WDR59: variants seen among roughly 807,000 people sequenced by gnomAD.
The protein encoded by WDR59 is WD repeat domain 59.
A neutral mutation model predicts 131.2 loss-of-function variants in WDR59; 100 were observed. That is an observed-to-expected ratio of 0.76 (90% CI 0.65 to 0.90). The LOEUF (loss-of-function observed/expected upper bound fraction) is 0.90. WDR59 is among the 40% of genes least tolerant of loss of function. The pLI is 0.00. For synonymous variants in WDR59, 601 were observed against 466.2 expected (o/e 1.29, Z -3.72); for missense variants, 1,203 against 1,262.2 (o/e 0.95, Z 0.71).
At chr16:74,981,641 T>TATATATAC (rs2034421016) in intron 1 of WDR59, among the ~76,000 whole-genome samples, 3 of 50,222 alleles carry the variant, frequency 6.0e-5, no homozygotes, top group African/African-American at 4.1e-4. Context: ...TATATATATA[T>TATATATAC]ATATATATAT....
chr16:74,886,374 C>T lies in WDR59; in HGVS notation c.2442G>A (p.Leu814=). 1 of 1,613,564 alleles carries T rather than the reference C, an allele frequency of 6.2e-7. No individual in the cohort carries two copies. The highest frequency in any genetic ancestry group is 8.5e-7 in the Non-Finnish European group (1 of 1,179,896). ...GTGAGGATTCTCCCCAAGGGGAGGACAAGTGCTCTGCCTCTCTTCCCGCTG... is the reference window on the plus strand; with the variant it reads ...GTGAGGATTCTCCCCAAGGGGAGGATAAGTGCTCTGCCTCTCTTCCCGCTG... ...WNIAGREAEH[L]SSPWGESSPE... The change falls in exon 24 of 26, where the codon TTG becomes TTA. Residue 814 remains leucine, a synonymous_variant. Transcript: ENST00000262144.
chr16:74,893,846 A>C (rs752878174), intron 18 of WDR59, 34 bp from the exon 19 acceptor site: 2 of 1,607,292 alleles, frequency 1.2e-6, no homozygotes, highest in African/African-American at 2.7e-5. Flanking sequence ...ACTAATGGGG[A>C]CTTTGACAAG....
In WDR59 at chr16:74,978,844, G is replaced by C. The variant is rs945629913; in HGVS notation, c.54+6120C>G. Among the ~76,000 whole-genome samples, 35 of 152,130 alleles carry C rather than the reference G, an allele frequency of 2.3e-4. 1 individual carries two copies. The highest frequency in any genetic ancestry group is 1.5e-5 in the Non-Finnish European group (1 of 68,034). On this transcript the variant is annotated intron_variant, in intron 1 of 25. Coordinates refer to ENST00000262144, the MANE Select transcript of WDR59 (RefSeq NM_030581.4). Reference sequence around the variant, plus strand: ...GAGTTGTCTCCAAGTATGTTCAGCTGCTTTGGACATACAGAGCTTGATTTT... The same window carrying C: ...GAGTTGTCTCCAAGTATGTTCAGCTCCTTTGGACATACAGAGCTTGATTTT...
Position 74,889,691 on chromosome 16 carries a change from C to G in WDR59, c.2195+12G>C. 6.2e-7 allele frequency: 1 copy of G among 1,608,006 alleles called. No individual in the cohort carries two copies. The highest frequency in any genetic ancestry group is 8.5e-7 in the Non-Finnish European group (1 of 1,177,696). On this transcript the variant is annotated intron_variant, in intron 21 of 25. Coordinates refer to ENST00000262144, the MANE Select transcript of WDR59 (RefSeq NM_030581.4). Reference sequence around the variant, plus strand: ...TCACTCATTTTTCTCATTTTTAGCTCTCAAAACCTACAGGGACTCCAGCAG... The same window carrying G: ...TCACTCATTTTTCTCATTTTTAGCTGTCAAAACCTACAGGGACTCCAGCAG...
chr16:74,899,574 C>A (rs957868431), intron 18 of WDR59: 1 of 722,898 alleles, frequency 1.4e-6, no homozygotes, highest in Non-Finnish European at 2.0e-6. Context: ...TTGACTGTTG[C>A]TGGTCCTGAA....
chr16:74,964,563 T>C (rs952388048), intron 2 of WDR59, among the ~76,000 whole-genome samples: 3 of 152,214 alleles, frequency 2.0e-5, no homozygotes, highest in Non-Finnish European at 4.4e-5. Flanking sequence ...TTTACCATGT[T>C]GTATACTTTT....
intron 8 of WDR59, among the ~76,000 whole-genome samples, chr16:74,927,664 G>C (rs982570128): frequency 1.1e-4 from 15 of 131,916 alleles, no homozygotes; most frequent in Admixed American, 7.6e-4. Flanking sequence ...TGATGTTTTA[G>C]ATTTGCTGCT....
At chr16:74,973,998 C>T (rs1321272104) in intron 1 of WDR59, among the ~76,000 whole-genome samples, 4 of 152,138 alleles carry the variant, frequency 2.6e-5, no homozygotes, top group South Asian at 2.1e-4. Flanking sequence ...GGTGAAACCT[C>T]GTCTCTACTA....
intron 18 of WDR59, among the ~76,000 whole-genome samples, chr16:74,902,542 G>A (rs1333490223): frequency 6.6e-6 from 1 of 152,108 alleles, no homozygotes; most frequent in Non-Finnish European, 1.5e-5. Flanking sequence ...CCCCCACAAA[G>A]TGAAAATTAC....
intron 1 of WDR59, among the ~76,000 whole-genome samples, chr16:74,971,978 G>C (rs1048042611): frequency 6.6e-6 from 1 of 152,166 alleles, no homozygotes; most frequent in African/African-American, 2.4e-5. Flanking sequence ...CAAGGGGCTA[G>C]GGTTATGGGC....
At position 74,887,837 on chromosome 16, in the gene WDR59, G is replaced by C. The variant is rs571031238; in HGVS notation, c.2347-82C>G. ...ACAGTTCACATTAAGAAAACAGCAG[G>C]CCAAGCACGGTGGCTCATGCCTGTA... is the stretch of plus-strand genomic sequence containing the variant. On this transcript the variant is annotated intron_variant, in intron 22 of 25. Transcript: ENST00000262144. 3.5e-5 allele frequency: 49 copies of C among 1,382,800 alleles called. No individual in the cohort carries two copies. In the African/African-American group the frequency reaches 6.2e-4, roughly 18 times the overall value. The allele number at this position is 1,382,800 out of a possible 1,614,324, so 85.7% of individuals were successfully genotyped here.
chr16:74,888,973 T>C (rs1964908744), intron 21 of WDR59, among the ~76,000 whole-genome samples: 1 of 152,250 alleles, frequency 6.6e-6, no homozygotes, highest in Admixed American at 6.5e-5. Context: ...TATCACTCAA[T>C]GTCTAATATT....
At chr16:74,953,476 A>C (rs2033119993) in intron 3 of WDR59, among the ~76,000 whole-genome samples, 1 of 151,714 alleles carries the variant, frequency 6.6e-6, no homozygotes, top group Non-Finnish European at 1.5e-5. Context: ...CCGTCTCAAA[A>C]AAAAAAAAAA....
At chr16:74,950,375 TAAAC>T (rs563708907) in intron 4 of WDR59, among the ~76,000 whole-genome samples, 17 of 152,112 alleles carry the variant, frequency 1.1e-4, no homozygotes, top group East Asian at 3.9e-4. Flanking sequence ...TCTCTCTAAA[TAAAC>T]AAACAAAGGA....
intron 17 of WDR59, among the ~76,000 whole-genome samples, chr16:74,904,735 G>C (rs1965716904): frequency 6.6e-6 from 1 of 152,182 alleles, no homozygotes; most frequent in South Asian, 2.1e-4. Flanking sequence ...AATATAATTG[G>C]AGGACTTGAC....
At chr16:74,981,659 TA>T (rs1485542191) in intron 1 of WDR59, among the ~76,000 whole-genome samples, 5 of 36,504 alleles carry the variant, frequency 1.4e-4, no homozygotes, top group African/African-American at 5.5e-4. Context: ...TATATATATA[TA>T]TTTTTTTTTT....
rs138762527 is a variant in WDR59, at chr16:74,883,406, C to G, written c.2689+2247G>C. ...AGGGTTCTGCAGTGTTTTGTACTTC[C>G]GACAACAGTTCAGGGTTCAGCTTTA... is the stretch of plus-strand genomic sequence containing the variant. On this transcript the variant is annotated intron_variant, in intron 25 of 25. Coordinates refer to ENST00000262144, the MANE Select transcript of WDR59 (RefSeq NM_030581.4). Among the ~76,000 whole-genome samples, 20 of 152,204 alleles carry G rather than the reference C, an allele frequency of 1.3e-4. No homozygotes were observed. In the East Asian group the frequency reaches 2.5e-3, roughly 19 times the overall value.
intron 3 of WDR59, among the ~76,000 whole-genome samples, chr16:74,951,819 G>A (rs191577028): frequency 6.6e-6 from 1 of 152,132 alleles, no homozygotes; most frequent in African/African-American, 2.4e-5. Flanking sequence ...TGAAGGTGCA[G>A]AAGCACTTCT....
intron 9 of WDR59, among the ~76,000 whole-genome samples, chr16:74,923,476 T>A (rs1351435162): frequency 6.6e-6 from 1 of 152,136 alleles, no homozygotes; most frequent in African/African-American, 2.4e-5. Context: ...TAAATTTATT[T>A]TATTTTTTTA....
Sources: gnomAD v4.1 joint callset for allele counts (sites outside exome capture counted in the v4.1 genomes callset) on GRCh38, gnomAD v4.1.1 for gene constraint, MANE v1.5 for transcripts, NCBI Gene and HGNC (gene_info 2026-07-23, HGNC 2026-07-21) for gene names.